ACTR3C: variants seen among roughly 807,000 people sequenced by gnomAD.
ACTR3C encodes actin related protein 3C.
In ACTR3C, 18 loss-of-function variants were observed where a neutral mutation model predicts 26.3. The ratio of observed to expected loss-of-function variants is 0.68; its 90% CI spans 0.47 to 1.01. ACTR3C has a LOEUF of 1.01. ACTR3C is among the 50% of genes least tolerant of loss of function. The pLI, the probability that ACTR3C is intolerant of heterozygous loss-of-function variation, is 0.00. For synonymous variants in ACTR3C, 55 were observed against 94.5 expected (o/e 0.58, Z 2.42); for missense variants, 184 against 250.7 (o/e 0.73, Z 1.80).
intron 1 of ACTR3C, among the ~76,000 whole-genome samples, chr7:150,304,537 C>T: frequency 6.6e-6 from 1 of 152,182 alleles, no homozygotes; most frequent in Non-Finnish European, 1.5e-5. Flanking sequence ...GGCTGCTCCT[C>T]GGCTTCTTTA....
the ACTR3C span, among the ~76,000 whole-genome samples, chr7:150,082,961 T>TC: frequency 6.8e-6 from 1 of 147,486 alleles, no homozygotes; most frequent in Non-Finnish European, 1.5e-5. Context: ...TTTTTTTTTT[T>TC]TCAGGACAAG....
At chr7:149,886,817 G>A in the ACTR3C span, among the ~76,000 whole-genome samples, 1 of 152,188 alleles carries the variant, frequency 6.6e-6, no homozygotes, top group African/African-American at 2.4e-5. Context: ...GTAGTCGAGT[G>A]TGTGTAGAGG....
chr7:149,916,562 TTATATA>T, the ACTR3C span, among the ~76,000 whole-genome samples: 1 of 143,144 alleles, frequency 7.0e-6, no homozygotes, highest in Non-Finnish European at 1.5e-5. Context: ...TCTTCCACTT[TTATATA>T]TATATATTTT....
At chr7:150,057,490 T>G in the ACTR3C span, among the ~76,000 whole-genome samples, 929 of 152,296 alleles carry the variant, frequency 6.1e-3, 8 homozygotes, top group African/African-American at 0.022. Flanking sequence ...TTCACCATGT[T>G]GGTCAGGTTG....
the ACTR3C span, among the ~76,000 whole-genome samples, chr7:150,143,464 A>G: frequency 6.6e-6 from 1 of 152,088 alleles, no homozygotes; most frequent in South Asian, 2.1e-4. Context: ...TTTACATGCA[A>G]TAAAATTCAC....
the ACTR3C span, among the ~76,000 whole-genome samples, chr7:149,919,077 C>T: frequency 6.6e-6 from 1 of 152,200 alleles, no homozygotes; most frequent in South Asian, 2.1e-4. Flanking sequence ...TCTGCACCCA[C>T]AGTTAACTGG....
the ACTR3C span, among the ~76,000 whole-genome samples, chr7:149,982,463 G>T: frequency 6.6e-6 from 1 of 152,030 alleles, no homozygotes; most frequent in East Asian, 1.9e-4. Flanking sequence ...TGCTTTACAG[G>T]ATCTCATTTA....
At chr7:150,144,914 G>A in the ACTR3C span, among the ~76,000 whole-genome samples, 4 of 152,008 alleles carry the variant, frequency 2.6e-5, no homozygotes, top group Admixed American at 6.6e-5. This position sits in a 1 kb window ranked among gnomAD's most constrained non-coding sequence, Gnocchi z 4.6. Flanking sequence ...GCTGGGCGTG[G>A]TGGCGTGCTC....
intron 6 of ACTR3C, among the ~76,000 whole-genome samples, chr7:150,266,641 C>G (rs1285900624): frequency 6.6e-6 from 1 of 152,016 alleles, no homozygotes; most frequent in African/African-American, 2.4e-5. Context: ...AGACAAGCCA[C>G]AGACTAGAAA....
At chr7:150,269,376 C>G (rs1244341316) in intron 6 of ACTR3C, among the ~76,000 whole-genome samples, 1 of 147,674 alleles carries the variant, frequency 6.8e-6, no homozygotes, top group Non-Finnish European at 1.5e-5. Context: ...CACACTCCCC[C>G]CGCTGTCTGG....
At chr7:150,123,488 T>TATATATATA in the ACTR3C span, among the ~76,000 whole-genome samples, 1 of 152,012 alleles carries the variant, frequency 6.6e-6, no homozygotes, top group Non-Finnish European at 1.5e-5. Flanking sequence ...AGGTAGCAAC[T>TATATATATA]TCCCAGCCTG....
At chr7:150,043,647 T>C in the ACTR3C span, among the ~76,000 whole-genome samples, 2,648 of 152,332 alleles carry the variant, frequency 0.017, 82 homozygotes, top group African/African-American at 0.06. Context: ...GCAATATCCA[T>C]GGCTATTCTG....
the ACTR3C span, among the ~76,000 whole-genome samples, chr7:150,028,406 TCAAACC>T: frequency 6.6e-6 from 1 of 152,420 alleles, no homozygotes; most frequent in East Asian, 1.9e-4. Flanking sequence ...GCACGGGAGA[TCAAACC>T]TCAATGTAAT....
the ACTR3C span, among the ~76,000 whole-genome samples, chr7:150,036,089 C>A: frequency 7.8e-6 from 1 of 127,484 alleles, no homozygotes; most frequent in Non-Finnish European, 1.8e-5. Flanking sequence ...GCTCCCCCCC[C>A]TGCGATGGGG....
chr7:150,180,459 A>G, the ACTR3C span, among the ~76,000 whole-genome samples: 1 of 150,098 alleles, frequency 6.7e-6, no homozygotes, highest in African/African-American at 2.5e-5. Flanking sequence ...ATATTAGTAT[A>G]GATATAAAAA....
chr7:149,893,917 G>T, the ACTR3C span, among the ~76,000 whole-genome samples: 1 of 152,092 alleles, frequency 6.6e-6, no homozygotes, highest in Non-Finnish European at 1.5e-5. Context: ...ATCCTTCACA[G>T]AAATAGAAAA....
At chr7:149,905,968 G>C in the ACTR3C span, among the ~76,000 whole-genome samples, 1 of 152,022 alleles carries the variant, frequency 6.6e-6, no homozygotes, top group African/African-American at 2.4e-5. Flanking sequence ...TAGCAGATAC[G>C]CATAAGGAAA....
chr7:149,984,210 T>C, the ACTR3C span, among the ~76,000 whole-genome samples: 2 of 152,004 alleles, frequency 1.3e-5, no homozygotes, highest in Non-Finnish European at 2.9e-5. Context: ...CCTTTTTTTT[T>C]TTTCTTTTTT....
chr7:150,135,680 C>T, the ACTR3C span, among the ~76,000 whole-genome samples: 1 of 151,726 alleles, frequency 6.6e-6, no homozygotes, highest in Non-Finnish European at 1.5e-5. Context: ...CTCTGGCTGA[C>T]AGATAAAGTA....
Sources: allele counts gnomAD v4.1 joint callset (sites outside exome capture counted in the v4.1 genomes callset), GRCh38; gene constraint gnomAD v4.1.1; non-coding constraint Gnocchi (gnomAD v3.1); transcripts MANE v1.5; gene names NCBI Gene and HGNC (gene_info 2026-07-23, HGNC 2026-07-21).